JUP: variants seen among roughly 807,000 people sequenced by gnomAD.
JUP encodes catenin (cadherin-associated protein), gamma 80kDa.
Under a neutral mutation model 71.1 loss-of-function variants are expected in JUP, and 28 were observed. The observed-to-expected ratio is 0.39, with a 90% CI of 0.29 to 0.54. JUP has a LOEUF of 0.54. Among genes scored for constraint, JUP ranks in the 20% least tolerant of loss-of-function variants. JUP has a pLI of 0.62. For synonymous variants in JUP, 401 were observed against 438.9 expected (o/e 0.91, Z 1.08); for missense variants, 869 against 1,030.1 (o/e 0.84, Z 2.14).
rs1057523570 is a variant in JUP at position 41,763,315 on chromosome 17, G to A, written c.1165C>T (p.Leu389=). The A allele has an allele frequency of 2.9e-5, 47 of 1,613,708 alleles. No homozygotes were observed. The highest frequency in any genetic ancestry group is 3.6e-5 in the Non-Finnish European group (43 of 1,179,722). Residue 389 remains leucine, a synonymous_variant, in exon 8 of 14, where the codon CTG becomes TTG. Transcript: ENST00000393931. ...LSDVATKQEG[L]ESVLKILVNQ... is the part of the protein sequence containing the mutation. ...ACCAGAATCTTCAGCACACTCTCCA[G>A]GCCCTCCTGGAGGGCAAGGAAGGGA...
chr17:41,757,196 C>T (rs782158135), intron 12 of JUP, among the ~76,000 whole-genome samples: 22 of 152,228 alleles, frequency 1.4e-4, no homozygotes, highest in Admixed American at 6.5e-4. Flanking sequence ...GCACCCCCAC[C>T]TCAAACACTG....
At chr17:41,762,033 C>T (rs1056281812) in intron 8 of JUP, among the ~76,000 whole-genome samples, 2 of 151,574 alleles carry the variant, frequency 1.3e-5, no homozygotes, top group Non-Finnish European at 2.9e-5. Flanking sequence ...TGTACCACTG[C>T]ACTCCAGCCT....
chr17:41,758,800 A>T lies in JUP; in HGVS notation c.1568T>A (p.Val523Asp). Residue 523 changes from valine to aspartate, a missense_variant, in exon 9 of 14, where the codon GTC becomes GAC. Coordinates refer to ENST00000393931, the MANE Select transcript of JUP (RefSeq NM_002230.4). ...ANHAPLQEAAVIPRLVQLLVK... is the reference protein window; with the variant it reads ...ANHAPLQEAADIPRLVQLLVK... ...CAGCAGTTGGACGAGGCGGGGGATGACCGCTGCCTCCTGCAGCGGGGCATG... is the reference window on the plus strand; with the variant it reads ...CAGCAGTTGGACGAGGCGGGGGATGTCCGCTGCCTCCTGCAGCGGGGCATG... The T allele has an allele frequency of 6.2e-7, 1 of 1,611,454 alleles. No individual in the cohort carries two copies. Among genetic ancestry groups the T allele is most frequent in the Non-Finnish European group, 8.5e-7 (1 of 1,178,758 alleles).
intron 5 of JUP, among the ~76,000 whole-genome samples, chr17:41,767,008 C>G (rs981906980): frequency 6.7e-6 from 1 of 149,940 alleles, no homozygotes; most frequent in Admixed American, 6.6e-5. Flanking sequence ...GATTACACCA[C>G]TGCACTCTAG....
chr17:41,786,017 C>T (rs901971265), intron 1 of JUP: 1 of 152,292 alleles, frequency 6.6e-6, no homozygotes, highest in African/African-American at 2.4e-5. Flanking sequence ...GTGCGCTCAC[C>T]TGCTCGGCAG....
intron 8 of JUP, among the ~76,000 whole-genome samples, chr17:41,759,428 T>C (rs111669157): frequency 6.6e-6 from 1 of 152,052 alleles, no homozygotes; most frequent in Non-Finnish European, 1.5e-5. Context: ...TTCCAGAACA[T>C]CCTGCCAGCC....
chr17:41,757,666 A>T lies in JUP; in HGVS notation c.1892T>A (p.Met631Lys). 6.2e-7 allele frequency: 1 copy of T among 1,613,654 alleles called. No individual in the cohort carries two copies. ...IDAEGASAPL[M>K]ELLHSRNEGT... ...CTCGTTGCGGGAGTGCAGCAACTCCATGAGTGGGGCCGAGGCCCCCTCTGC... is the reference window on the plus strand; with the variant it reads ...CTCGTTGCGGGAGTGCAGCAACTCCTTGAGTGGGGCCGAGGCCCCCTCTGC... Residue 631 changes from methionine to lysine, a missense_variant, in exon 11 of 14, where the codon ATG becomes AAG. By Grantham distance (95) the Met-to-Lys change is moderately conservative. Transcript: ENST00000393931.
chr17:41,783,269 G>A (rs1306361615), intron 1 of JUP, among the ~76,000 whole-genome samples: 1 of 148,036 alleles, frequency 6.8e-6, no homozygotes, highest in Non-Finnish European at 1.5e-5. Context: ...TCTGTAGAAT[G>A]CGAATAATGA....
At chr17:41,769,720 G>A (rs782218398) in intron 2 of JUP, 43 bp from the exon 3 acceptor site, 4 of 1,593,522 alleles carry the variant, frequency 2.5e-6, no homozygotes, top group Middle Eastern at 1.8e-4. Flanking sequence ...GCAGTGGGCT[G>A]GGCAGACACT....
chr17:41,771,831 C>T lies in JUP; in HGVS notation c.24G>A (p.Glu8=). ...GCCACTCAGTCACCTTGATAGGCTG[C>T]TCCATCAGGTTCATCACCTCCATCG... The part of the protein sequence containing the change: MEVMNLM[E]QPIKVTEWQQ... Residue 8 remains glutamate, a synonymous_variant, in exon 2 of 14, where the codon GAG becomes GAA. Transcript: ENST00000393931. The T allele has an allele frequency of 6.2e-7, 1 of 1,613,428 alleles. No homozygotes were observed. The highest frequency in any genetic ancestry group is 8.5e-7 in the Non-Finnish European group (1 of 1,179,712).
Position 41,755,703 on chromosome 17 carries a change from G to T in JUP, c.*41C>A. 1 of 1,519,134 alleles carries T rather than the reference G, an allele frequency of 6.6e-7. No homozygotes were observed. Among genetic ancestry groups the T allele is most frequent in the Non-Finnish European group, 8.8e-7 (1 of 1,132,348 alleles). 94.1% of individuals were successfully genotyped at this position (1,519,134 alleles called of 1,614,324 possible). A position where few individuals can be genotyped will look rare whatever the true frequency, so the allele number is the denominator to read the frequency against. On this transcript the variant is annotated 3_prime_UTR_variant, in exon 14 of 14. Transcript: ENST00000393931. ...AACAGAAGGAGGTTCTAGAGAGGAG[G>T]AAAAGCCTGCAAAGAGGGGGCCGTA...
chr17:41,771,663 C>G lies in JUP; in HGVS notation c.192G>C (p.Gly64=). 1 of 1,613,538 alleles carries G rather than the reference C, an allele frequency of 6.2e-7. No homozygotes were observed. Among genetic ancestry groups the G allele is most frequent in the Non-Finnish European group, 8.5e-7 (1 of 1,180,020 alleles). ...GGTCCTGACCTTGGCTGGGGGGCAC[C>G]CCCTGGGTGTAAGTGGTGGTTTTCT... ...TLKKTTTYTQ[G]VPPSQGDLEY... Residue 64 remains glycine (G), a synonymous_variant, in exon 2 of 14, where the codon GGG becomes GGC. Transcript: ENST00000393931.
intron 8 of JUP, among the ~76,000 whole-genome samples, chr17:41,761,972 G>C (rs940714034): frequency 1.3e-5 from 2 of 149,568 alleles, no homozygotes; most frequent in African/African-American, 2.5e-5. Context: ...AGGAGGCCAA[G>C]GCAGGAGAAT....
At position 41,757,747 on chromosome 17, in the gene JUP, G is replaced by T. The variant is rs782005892; in HGVS notation, c.1811C>A (p.Ala604Asp). 9 of 1,612,482 alleles carry T rather than the reference G, an allele frequency of 5.6e-6. No individual in the cohort carries two copies. The South Asian group carries it at 9.9e-5, about 18-fold the overall frequency. ...GGCCAGCTCACACAGCACCCCGGCA[G>T]CCACGCGCTGGATGTTCTCCACCGA... ...YSSVENIQRV[A>D]AGVLCELAQD... is the part of the protein sequence containing the mutation. Residue 604 changes from alanine to aspartate, a missense_variant, in exon 11 of 14, where the codon GCT (alanine) becomes GAT (aspartate). Physicochemically the swap from Ala to Asp is moderately radical, Grantham distance 126 (BLOSUM62 -2). Transcript: ENST00000393931.
intron 8 of JUP, among the ~76,000 whole-genome samples, chr17:41,762,123 CAGAGAGAGAGAGAGAGAGAGAGAGAG>C (rs528611507): frequency 4.3e-5 from 3 of 69,196 alleles, no homozygotes; most frequent in East Asian, 5.9e-4. Context: ...TGCAGAGAGA[CAGAGAGAGAGAGAGAGAGAGAGAGAG>C]AGAGAGAGAG....
intron 1 of JUP, among the ~76,000 whole-genome samples, chr17:41,778,559 C>CAAAA (rs35336912): frequency 7.0e-6 from 1 of 142,476 alleles, no homozygotes; most frequent in Non-Finnish European, 1.5e-5. Context: ...GACCCCATCT[C>CAAAA]AAAAAAAAAA....
chr17:41,779,499 T>C (rs1555609761), intron 1 of JUP, among the ~76,000 whole-genome samples: 2 of 151,610 alleles, frequency 1.3e-5, no homozygotes, highest in African/African-American at 4.8e-5. Flanking sequence ...AGCTAATTCT[T>C]TGTATTTTTT....
chr17:41,777,331 G>A (rs1019319958), intron 1 of JUP, among the ~76,000 whole-genome samples: 3 of 152,300 alleles, frequency 2.0e-5, no homozygotes, highest in East Asian at 1.9e-4. Flanking sequence ...GCTGGGCTCA[G>A]CAGGATCTCC....
intron 5 of JUP, among the ~76,000 whole-genome samples, chr17:41,766,873 A>G (rs1316428085): frequency 2.8e-5 from 4 of 140,758 alleles, no homozygotes; most frequent in African/African-American, 9.6e-5. Flanking sequence ...AAAAAAAAAG[A>G]AAGAAAAGAA....
Sources: gnomAD v4.1 joint callset for allele counts (sites outside exome capture counted in the v4.1 genomes callset) on GRCh38, gnomAD v4.1.1 for gene constraint, MANE v1.5 for transcripts, NCBI Gene and HGNC (gene_info 2026-07-23, HGNC 2026-07-21) for gene names.